ISLR2: variants seen among roughly 807,000 people sequenced by gnomAD.
ISLR2 encodes immunoglobulin superfamily containing leucine-rich repeat protein 2.
ISLR2 carries 16 observed loss-of-function variants against 25.5 expected under a neutral mutation model. The observed-to-expected ratio is 0.63, with a 90% CI of 0.43 to 0.95. The LOEUF is 0.95. ISLR2 is among the 40% of genes least tolerant of loss of function. The pLI is 0.00. For synonymous variants in ISLR2, 508 were observed against 486.6 expected, an observed-to-expected ratio of 1.04 and a Z score of -0.58; for missense variants, 883 against 1,030.7, an observed-to-expected ratio of 0.86 and a Z score of 1.96.
At chr15:74,137,108 G>C (rs940333682), downstream of ISLR2, among the ~76,000 whole-genome samples, 2 of 152,190 alleles carry the variant, frequency 1.3e-5, no homozygotes, top group Non-Finnish European at 2.9e-5. Context: ...GTGCGTGCAA[G>C]TATATTTGCA....
downstream of ISLR2, among the ~76,000 whole-genome samples, chr15:74,139,004 C>T (rs1228870209): frequency 3.9e-5 from 6 of 152,194 alleles, no homozygotes; most frequent in African/African-American, 1.2e-4. Context: ...CAGGCCCCTT[C>T]CTTTCCCTCC....
At chr15:74,130,133 G>A (rs182675370), upstream of ISLR2, 3 of 151,122 alleles carry the variant, frequency 2.0e-5, no homozygotes, top group East Asian at 2.0e-4. Context: ...GCGGTGGGCT[G>A]GGGAGGGGGG....
At chr15:74,138,316 G>C (rs1296534579), downstream of ISLR2, 3 of 120,630 alleles carry the variant, frequency 2.5e-5, no homozygotes, top group African/African-American at 9.9e-5. Context: ...TTTTGCATAG[G>C]CATTACTAGG....
rs2072101207 is a variant in ISLR2 at position 74,104,076 on chromosome 15, A to G, written n.228+162A>G. ...CAGACAGTAGTATACAGGTACTACT[A>G]TACTTTGATGCTAGAGGTATTCCCA... On this transcript the variant is annotated intron_variant and non_coding_transcript_variant, in intron 2 of 3. Transcript: ENST00000561975. Among the ~76,000 whole-genome samples, 3 of 152,238 alleles carry G rather than the reference A, an allele frequency of 2.0e-5. No homozygotes were observed. In the South Asian group the frequency reaches 6.2e-4, roughly 32 times the overall value.
At position 74,132,307 on chromosome 15, in the gene ISLR2, C is replaced by T. The variant is rs1373042508; in HGVS notation, c.-8-440C>T. 2.0e-5 allele frequency among the ~76,000 whole-genome samples: 3 copies of T among 152,138 alleles called. No homozygotes were observed. Among genetic ancestry groups the T allele is most frequent in the Non-Finnish European group, 2.9e-5 (2 of 68,020 alleles). On this transcript the variant is annotated intron_variant, in intron 2 of 2. Coordinates refer to ENST00000453268, the MANE Select transcript of ISLR2 (RefSeq NM_020851.3). This position sits in a 1 kb window ranked among gnomAD's most constrained non-coding sequence, Gnocchi z 4.3. Reference sequence around the variant, plus strand: ...TTGTGTGCCTGCATGGGCGTGTGTGCGAGTGCTGTGCGTGGGACAAAGGTT... The same window carrying T: ...TTGTGTGCCTGCATGGGCGTGTGTGTGAGTGCTGTGCGTGGGACAAAGGTT...
At chr15:74,110,442 T>C (rs1336823143) in intron 2 of ISLR2, among the ~76,000 whole-genome samples, 1 of 152,186 alleles carries the variant, frequency 6.6e-6, no homozygotes, top group African/African-American at 2.4e-5. Context: ...TGTAATAGCC[T>C]CAAACTGGAA....
At chr15:74,112,653 G>A (rs968533739) in intron 2 of ISLR2, among the ~76,000 whole-genome samples, 10 of 150,106 alleles carry the variant, frequency 6.7e-5, no homozygotes, top group Admixed American at 2.0e-4. Context: ...TCAGCCTCCC[G>A]AGCAGATGGA....
downstream of ISLR2, among the ~76,000 whole-genome samples, chr15:74,140,313 A>G (rs16969056): frequency 0.032 from 4,930 of 152,284 alleles, 285 homozygotes; most frequent in African/African-American, 0.11. Context: ...ATTCGTTGTC[A>G]GTACATATAT....
chr15:74,137,230 C>T (rs895296274), downstream of ISLR2, among the ~76,000 whole-genome samples: 1 of 152,212 alleles, frequency 6.6e-6, no homozygotes, highest in Non-Finnish European at 1.5e-5. Context: ...CCTTTGAGTT[C>T]CCTGAGAAGC....
Position 74,134,729 on chromosome 15 carries a change from C to T in ISLR2, c.1975C>T (p.Pro659Ser). 6 of 1,614,034 alleles carry T rather than the reference C, an allele frequency of 3.7e-6. No individual in the cohort carries two copies. The highest frequency in any genetic ancestry group is 5.1e-6 in the Non-Finnish European group (6 of 1,179,966). Residue 659 changes from proline to serine, a missense_variant, in exon 3 of 3, where the codon CCG becomes TCG. Pro to Ser is a moderately conservative substitution (Grantham distance 74, BLOSUM62 -1). Transcript: ENST00000453268. ...GTACCTCGAGTCCGAGAAAAGCTAC[C>T]CGGCAGGCGGCGAGGCGGGCGGCGA... ...ASYLESEKSY[P>S]AGGEAGGEEP... is the part of the protein sequence containing the mutation.
At chr15:74,123,874 T>A (rs2072271731), upstream of ISLR2, among the ~76,000 whole-genome samples, 1 of 152,182 alleles carries the variant, frequency 6.6e-6, no homozygotes, top group Non-Finnish European at 1.5e-5. Flanking sequence ...CTGGGTGCGA[T>A]GTGTGCCTCT....
chr15:74,120,470 C>T (rs567220419), intron 2 of ISLR2, among the ~76,000 whole-genome samples: 3 of 144,740 alleles, frequency 2.1e-5, no homozygotes, highest in Non-Finnish European at 4.5e-5. Context: ...TGCAGTGAGT[C>T]GAGATTGAAC....
At chr15:74,104,755 T>C (rs942208514) in intron 2 of ISLR2, among the ~76,000 whole-genome samples, 18 of 151,650 alleles carry the variant, frequency 1.2e-4, no homozygotes, top group African/African-American at 4.4e-4. Context: ...AAAAAAAAAT[T>C]TTTTTTCTCT....
At chr15:74,108,550 C>T (rs1212156109) in intron 2 of ISLR2, among the ~76,000 whole-genome samples, 1 of 152,214 alleles carries the variant, frequency 6.6e-6, no homozygotes, top group Non-Finnish European at 1.5e-5. Flanking sequence ...CCACTCCTCC[C>T]ACCTGGCTTT....
In ISLR2 at chr15:74,113,852, C is replaced by G. The variant is rs142252972; in HGVS notation, n.228+9938C>G. Among the ~76,000 whole-genome samples, 18 of 152,332 alleles carry G rather than the reference C, an allele frequency of 1.2e-4. No individual in the cohort carries two copies. The East Asian group carries it at 3.5e-3, about 29-fold the overall frequency. ...TCCAGCACTCTGTGACCACTGAAATCGCTGTTTAGCTCTCAGCTCCCCATC... is the reference window on the plus strand; with the variant it reads ...TCCAGCACTCTGTGACCACTGAAATGGCTGTTTAGCTCTCAGCTCCCCATC... On this transcript the variant is annotated intron_variant and non_coding_transcript_variant, in intron 2 of 3. Coordinates refer to the ISLR2 transcript ENST00000561975.
At chr15:74,121,477 G>A (rs1463755556) in intron 2 of ISLR2, among the ~76,000 whole-genome samples, 1 of 152,118 alleles carries the variant, frequency 6.6e-6, no homozygotes, top group Non-Finnish European at 1.5e-5. Flanking sequence ...GCGCTGCACT[G>A]AGGCACCCTT....
At chr15:74,140,190 G>C (rs1262553419), downstream of ISLR2, among the ~76,000 whole-genome samples, 2 of 152,186 alleles carry the variant, frequency 1.3e-5, no homozygotes, top group Admixed American at 1.3e-4. Flanking sequence ...GGGCTTCTTT[G>C]AGAAAGAAGC....
rs114152947 is a variant in ISLR2 at position 74,116,449 on chromosome 15, A to T, written n.228+12535A>T. On this transcript the variant is annotated intron_variant and non_coding_transcript_variant, in intron 2 of 3. Transcript: ENST00000561975. The stretch of plus-strand genomic sequence containing the variant: ...TTTTCAAAAAATTTAATGAAGGCAA[A>T]ATAAAGACTTTTTCACACAAACAAA... Among the ~76,000 whole-genome samples the T allele has an allele frequency of 5.9e-3, 891 of 152,206 alleles. 11 individuals are homozygous for T. The highest frequency in any genetic ancestry group is 0.02 in the African/African-American group (838 of 41,546).
upstream of ISLR2, chr15:74,129,883 A>C (rs949441139): frequency 2.6e-5 from 4 of 152,350 alleles, no homozygotes; most frequent in Non-Finnish European, 5.9e-5. The surrounding 1 kb of genome is among the most constrained non-coding windows in gnomAD (Gnocchi z 4.5). Context: ...GCTCAAGAGT[A>C]GCGGACGTTT....
Sources: gnomAD v4.1 joint callset for allele counts (sites outside exome capture counted in the v4.1 genomes callset) on GRCh38, gnomAD v4.1.1 for gene constraint, Gnocchi (gnomAD v3.1) non-coding constraint, MANE v1.5 for transcripts, NCBI Gene and HGNC (gene_info 2026-07-23, HGNC 2026-07-21) for gene names.